Variants in SPSB1 observed in about 807,000 individuals in gnomAD.
SPSB1 encodes the protein splA/ryanodine receptor domain and SOCS box containing 1, also known as SPRY domain-containing SOCS box protein 1.
A neutral mutation model predicts 21.2 loss-of-function variants in SPSB1; 8 were observed. The observed-to-expected ratio is 0.38, with a 90% CI of 0.22 to 0.68. The LOEUF (loss-of-function observed/expected upper bound fraction) is 0.68. Ranked by LOEUF, SPSB1 falls within the 30% of genes least tolerant of loss-of-function variation. The pLI is 0.53. For synonymous variants in SPSB1, 169 were observed against 161.7 expected (o/e 1.05, Z -0.34); for missense variants, 242 against 377.8 (o/e 0.64, Z 2.98).
chr1:9,333,324 GCTT>G (rs1488851476), intron 1 of SPSB1, among the ~76,000 whole-genome samples: 8 of 129,236 alleles, frequency 6.2e-5, no homozygotes, highest in Non-Finnish European at 1.1e-4. Flanking sequence ...CTTCTTGTCA[GCTT>G]CTTTTTTTTT....
chr1:9,307,062 G>A (rs948691989), intron 1 of SPSB1, among the ~76,000 whole-genome samples: 2 of 151,996 alleles, frequency 1.3e-5, no homozygotes, highest in South Asian at 2.1e-4. Flanking sequence ...TGGGTAGCTG[G>A]GATTACAGGC....
chr1:9,319,588 C>T (rs1055229812), intron 1 of SPSB1, among the ~76,000 whole-genome samples: 6 of 152,160 alleles, frequency 3.9e-5, no homozygotes, highest in Admixed American at 3.3e-4. Flanking sequence ...GCCCTCTGGC[C>T]TGCGCATGCT....
chr1:9,362,968 C>G (rs1017237188), intron 2 of SPSB1, among the ~76,000 whole-genome samples: 1 of 152,230 alleles, frequency 6.6e-6, no homozygotes, highest in Non-Finnish European at 1.5e-5. Flanking sequence ...CAGGTGCCCA[C>G]CCCCTCGGTA....
Position 9,324,498 on chromosome 1 carries a change from C to T in SPSB1, c.-149-31245C>T, listed in dbSNP as rs1005692940. On this transcript the variant is annotated intron_variant, in intron 1 of 2. Coordinates refer to ENST00000328089, the MANE Select transcript of SPSB1 (RefSeq NM_025106.4). The surrounding 1 kb of genome is among the most constrained non-coding windows in gnomAD (Gnocchi z 4.3). ...GTGCCCAGCCTCTGGAGGGTCGGCT[C>T]GGAGGGCTGTGGGCCCGGGACTCGG... 5.4e-5 allele frequency among the ~76,000 whole-genome samples: 6 copies of T among 111,508 alleles called. No individual in the cohort carries two copies. The highest frequency in any genetic ancestry group is 3.1e-4 in the South Asian group (1 of 3,264). The allele number at this position is 111,508 out of a possible 152,430, so 73.2% of individuals were successfully genotyped here. A position where few individuals can be genotyped will look rare whatever the true frequency, so the allele number is the denominator to read the frequency against.
At chr1:9,342,048 G>T (rs982139888) in intron 1 of SPSB1, among the ~76,000 whole-genome samples, 22 of 152,224 alleles carry the variant, frequency 1.4e-4, no homozygotes, top group Non-Finnish European at 2.4e-4. Context: ...GGCACTCAGG[G>T]ACTGAGAAAC....
chr1:9,319,874 G>T (rs1639685668), intron 1 of SPSB1, among the ~76,000 whole-genome samples: 1 of 152,066 alleles, frequency 6.6e-6, no homozygotes, highest in African/African-American at 2.4e-5. Context: ...TCGCCACCTG[G>T]CTGCAGGTGG....
chr1:9,326,429 C>T (rs753016568), intron 1 of SPSB1, among the ~76,000 whole-genome samples: 12 of 152,226 alleles, frequency 7.9e-5, no homozygotes, highest in Non-Finnish European at 1.5e-4. Context: ...TCACCTCACA[C>T]TGCCTGGGCA....
At chr1:9,325,221 C>CACT (rs147556719) in intron 1 of SPSB1, among the ~76,000 whole-genome samples, 1 of 27,526 alleles carries the variant, frequency 3.6e-5, no homozygotes, top group Non-Finnish European at 2.0e-4. Context: ...TGCCTCCCAC[C>CACT]ACCACCCCCC....
chr1:9,321,971 C>T lies in SPSB1; in HGVS notation c.-150+28900C>T, dbSNP rs1009247536. Among the ~76,000 whole-genome samples, 1 of 152,116 alleles carries T rather than the reference C, an allele frequency of 6.6e-6. No homozygotes were observed. The highest frequency in any genetic ancestry group is 1.5e-5 in the Non-Finnish European group (1 of 68,032). On this transcript the variant is annotated intron_variant, in intron 1 of 2. Transcript: ENST00000328089. This position sits in a 1 kb window ranked among gnomAD's most constrained non-coding sequence, Gnocchi z 4.8. ...CAGTCACCTCTAACCCTGTGGGGGA[C>T]AACCACAATGTCTGTTTTATAGATG...
At position 9,321,783 on chromosome 1, in the gene SPSB1, G is replaced by T. The variant is rs949937509; in HGVS notation, c.-150+28712G>T. On this transcript the variant is annotated intron_variant, in intron 1 of 2. Coordinates refer to ENST00000328089, the MANE Select transcript of SPSB1 (RefSeq NM_025106.4). This position sits in a 1 kb window ranked among gnomAD's most constrained non-coding sequence, Gnocchi z 4.8. ...CGGTGGAGGAGGAGGACTCTGAGAG[G>T]CTGGGAGACTGGCCAGGGGCACCGC... Among the ~76,000 whole-genome samples, 9 of 152,192 alleles carry T rather than the reference G, an allele frequency of 5.9e-5. No individual in the cohort carries two copies. Among genetic ancestry groups the T allele is most frequent in the African/African-American group, 1.4e-4 (6 of 41,444 alleles).
At chr1:9,333,620 C>T (rs747505621) in intron 1 of SPSB1, among the ~76,000 whole-genome samples, 6 of 152,164 alleles carry the variant, frequency 3.9e-5, no homozygotes, top group Non-Finnish European at 7.4e-5. Context: ...CGTGAGCCAC[C>T]ATGCCCGCCC....
rs935016506 is a variant in SPSB1 at position 9,363,404 on chromosome 1, A to T, written c.695-4044A>T. Among the ~76,000 whole-genome samples the T allele has an allele frequency of 6.6e-6, 1 of 152,112 alleles. No homozygotes were observed. Among genetic ancestry groups the T allele is most frequent in the African/African-American group, 2.4e-5 (1 of 41,416 alleles). On this transcript the variant is annotated intron_variant, in intron 2 of 2. Transcript: ENST00000328089. This position sits in a 1 kb window ranked among gnomAD's most constrained non-coding sequence, Gnocchi z 4.5. Reference sequence around the variant, plus strand: ...ATCCCTAACTGGTTTATTCAGTGAGATCCAGAGATGGCCAGGCTGTGGCAA... The same window carrying T: ...ATCCCTAACTGGTTTATTCAGTGAGTTCCAGAGATGGCCAGGCTGTGGCAA...
intron 1 of SPSB1, among the ~76,000 whole-genome samples, chr1:9,330,129 C>T (rs1221584565): frequency 1.3e-5 from 2 of 152,156 alleles, no homozygotes; most frequent in Non-Finnish European, 2.9e-5. Context: ...TTGCTAGGTG[C>T]TTGCTCATCG....
intron 1 of SPSB1, among the ~76,000 whole-genome samples, chr1:9,340,365 C>T (rs1431447554): frequency 6.6e-6 from 1 of 152,210 alleles, no homozygotes; most frequent in Non-Finnish European, 1.5e-5. Context: ...TGCCACCAGC[C>T]CAGCTGCCGA....
chr1:9,339,163 C>T (rs999217634), intron 1 of SPSB1: 2 of 970,144 alleles, frequency 2.1e-6, no homozygotes, highest in African/African-American at 1.8e-5. Context: ...TGCCCTCACC[C>T]CTCTTCTGTC....
chr1:9,331,988 G>A (rs915510524), intron 1 of SPSB1, among the ~76,000 whole-genome samples: 1 of 152,170 alleles, frequency 6.6e-6, no homozygotes, highest in Admixed American at 6.5e-5. Context: ...GTGCCAAACT[G>A]TTGACAGTTT....
intron 1 of SPSB1, among the ~76,000 whole-genome samples, chr1:9,312,571 G>A (rs868708866): frequency 7.9e-5 from 12 of 152,102 alleles, no homozygotes; most frequent in Non-Finnish European, 1.2e-4. Flanking sequence ...GGTGGGGACT[G>A]GGGGAGGGCC....
intron 1 of SPSB1, among the ~76,000 whole-genome samples, chr1:9,333,435 A>T (rs1249660953): frequency 2.7e-5 from 4 of 148,972 alleles, no homozygotes; most frequent in Non-Finnish European, 5.9e-5. Flanking sequence ...GGTTCAGGCG[A>T]TTCTTCTGCC....
Position 9,292,911 on chromosome 1 carries a change from G to T in SPSB1, c.-310G>T, listed in dbSNP as rs1430261272. 1.0e-6 allele frequency: 1 copy of T among 982,816 alleles called. No homozygotes were observed. Among genetic ancestry groups the T allele is most frequent in the Middle Eastern group, 5.2e-4 (1 of 1,910 alleles). The allele number at this position is 982,816 out of a possible 1,614,324, so 60.9% of individuals were successfully genotyped here. A position where few individuals can be genotyped will look rare whatever the true frequency, so the allele number is the denominator to read the frequency against. On this transcript the variant is annotated 5_prime_UTR_variant, in exon 1 of 3. Transcript: ENST00000328089. Reference sequence around the variant, plus strand: ...TCTCCTCCGCACAGAAGTCGCGCTCGGGCAGCCTGCGCGCTCGCAGCAGGA... The same window carrying T: ...TCTCCTCCGCACAGAAGTCGCGCTCTGGCAGCCTGCGCGCTCGCAGCAGGA...
Sources: gnomAD v4.1 joint callset for allele counts (sites outside exome capture counted in the v4.1 genomes callset) on GRCh38, gnomAD v4.1.1 for gene constraint, Gnocchi (gnomAD v3.1) non-coding constraint, MANE v1.5 for transcripts, NCBI Gene and HGNC (gene_info 2026-07-23, HGNC 2026-07-21) for gene names.